The following DRC9 variants were observed in gnomAD, a reference collection of about 807,000 sequenced individuals.
The protein encoded by DRC9 is dynein regulatory complex protein 9.
At chr3:197,945,836 G>A in the DRC9 span, 1 of 541,170 alleles carries the variant, frequency 1.8e-6, no homozygotes, top group Non-Finnish European at 3.3e-6. Context: ...TCCCAGAGGC[G>A]AAAGAGCCTC....
At chr3:197,953,172 T>C in the DRC9 span, among the ~76,000 whole-genome samples, 1 of 152,202 alleles carries the variant, frequency 6.6e-6, no homozygotes, top group Non-Finnish European at 1.5e-5. Context: ...TCTGGGAAAG[T>C]GTTTTAATCA....
the DRC9 span, chr3:197,949,864 A>G: frequency 2.5e-6 from 1 of 392,420 alleles, no homozygotes; most frequent in Non-Finnish European, 4.5e-6. Context: ...AGGCAGCGGG[A>G]ACATCCTCCA....
the DRC9 span, among the ~76,000 whole-genome samples, chr3:197,896,461 AAAG>A: frequency 9.9e-5 from 15 of 152,220 alleles, no homozygotes. Context: ...CAATCCAAGA[AAAG>A]AAGGAAACAA....
chr3:197,932,816 A>T, the DRC9 span, among the ~76,000 whole-genome samples: 12 of 131,844 alleles, frequency 9.1e-5, no homozygotes, highest in African/African-American at 3.1e-4. Context: ...TATATGTATT[A>T]TATATATATG....
chr3:197,932,178 C>A, the DRC9 span: 1 of 1,611,714 alleles, frequency 6.2e-7, no homozygotes, highest in Middle Eastern at 1.7e-4. Context: ...TCTGACCTGG[C>A]AATGATGTCA....
the DRC9 span, among the ~76,000 whole-genome samples, chr3:197,927,035 C>G: frequency 6.6e-6 from 1 of 152,184 alleles, no homozygotes; most frequent in Non-Finnish European, 1.5e-5. Context: ...AACTTAACTA[C>G]TTTGTATGAC....
chr3:197,925,425 G>A, the DRC9 span, among the ~76,000 whole-genome samples: 1 of 139,000 alleles, frequency 7.2e-6, no homozygotes, highest in Non-Finnish European at 1.6e-5. Context: ...TGGGATATGA[G>A]GATGGGATGA....
At chr3:197,912,788 G>C in the DRC9 span, 1 of 1,536,866 alleles carries the variant, frequency 6.5e-7, no homozygotes, top group East Asian at 2.2e-5. Context: ...CTTCCCCGCA[G>C]GGCTGGGAAT....
At chr3:197,914,892 G>C in the DRC9 span, among the ~76,000 whole-genome samples, 1 of 152,050 alleles carries the variant, frequency 6.6e-6, no homozygotes, top group East Asian at 1.9e-4. Context: ...GGCCAGGCAC[G>C]GGGGCTCACG....
the DRC9 span, among the ~76,000 whole-genome samples, chr3:197,934,153 C>T: frequency 1.4e-5 from 2 of 141,358 alleles, no homozygotes; most frequent in African/African-American, 5.6e-5. Flanking sequence ...TGGGATAATT[C>T]CAATTTTCAT....
chr3:197,957,722 G>A, the DRC9 span: 2 of 152,236 alleles, frequency 1.3e-5, no homozygotes, highest in Non-Finnish European at 2.9e-5. Context: ...GCGCGAGGAA[G>A]TGCTGATCTT....
chr3:197,917,246 G>T, the DRC9 span, among the ~76,000 whole-genome samples: 4 of 152,234 alleles, frequency 2.6e-5, no homozygotes, highest in African/African-American at 9.6e-5. Flanking sequence ...GAGCCCCGGA[G>T]GCCGAGGCTG....
At chr3:197,933,975 TAAAAA>T in the DRC9 span, among the ~76,000 whole-genome samples, 3 of 109,514 alleles carry the variant, frequency 2.7e-5, no homozygotes, top group South Asian at 5.9e-4. Flanking sequence ...CTCACCCAGC[TAAAAA>T]AAAAAAAAAA....
At chr3:197,931,654 C>G in the DRC9 span, among the ~76,000 whole-genome samples, 1 of 151,904 alleles carries the variant, frequency 6.6e-6, no homozygotes, top group Non-Finnish European at 1.5e-5. Flanking sequence ...GTCGCCCAGG[C>G]TGGAGTGCAG....
At chr3:197,926,038 G>T in the DRC9 span, 1 of 1,580,202 alleles carries the variant, frequency 6.3e-7, no homozygotes, top group Non-Finnish European at 8.7e-7. Context: ...ACTTCAAATT[G>T]CCATTCCTTT....
chr3:197,955,207 G>C, the DRC9 span, among the ~76,000 whole-genome samples: 1 of 152,074 alleles, frequency 6.6e-6, no homozygotes, highest in Non-Finnish European at 1.5e-5. Context: ...ATCAACAGAG[G>C]AGGCTTTTAC....
chr3:197,943,657 CAAAG>C, the DRC9 span: 2 of 920,336 alleles, frequency 2.2e-6, no homozygotes, highest in Non-Finnish European at 1.6e-6. Context: ...AGAAAAGAAA[CAAAG>C]AAGGAAAGAG....
chr3:197,935,597 C>T, the DRC9 span, among the ~76,000 whole-genome samples: 1 of 152,204 alleles, frequency 6.6e-6, no homozygotes, highest in Non-Finnish European at 1.5e-5. Context: ...GGTCCTCCCC[C>T]GCCTCAGCCT....
chr3:197,919,429 T>C, the DRC9 span, among the ~76,000 whole-genome samples: 3 of 152,172 alleles, frequency 2.0e-5, no homozygotes, highest in Non-Finnish European at 4.4e-5. Flanking sequence ...AGAGTTTCAC[T>C]AAGAAAAGAT....
Sources: allele counts gnomAD v4.1 joint callset (sites outside exome capture counted in the v4.1 genomes callset), GRCh38; gene constraint gnomAD v4.1.1; transcripts MANE v1.5; gene names NCBI Gene and HGNC (gene_info 2026-07-23, HGNC 2026-07-21).